The following LRRTM4 variants were observed in gnomAD, a reference collection of about 807,000 sequenced individuals.
LRRTM4 encodes the protein leucine rich repeat transmembrane neuronal 4, also known as leucine-rich repeat transmembrane neuronal protein 4.
In LRRTM4, 25 loss-of-function variants were observed where a neutral mutation model predicts 47.6. The ratio of observed to expected loss-of-function variants is 0.53; its 90% confidence interval spans 0.38 to 0.73. The LOEUF is 0.73. Ranked by LOEUF, LRRTM4 falls within the 30% of genes least tolerant of loss-of-function variation. The pLI is 0.00. For synonymous variants in LRRTM4, 311 were observed against 269.5 expected (o/e 1.15, Z -1.51); for missense variants, 638 against 713.4 (o/e 0.89, Z 1.20).
chr2:77,461,842 AGG>A (rs1235649653), intron 3 of LRRTM4, among the ~76,000 whole-genome samples: 2 of 152,074 alleles, frequency 1.3e-5, no homozygotes, highest in Non-Finnish European at 2.9e-5. Context: ...TTGTCTCAAA[AGG>A]CTGACTGAAC....
chr2:77,184,473 T>C (rs892633450), intron 3 of LRRTM4, among the ~76,000 whole-genome samples: 9 of 152,104 alleles, frequency 5.9e-5, no homozygotes, highest in African/African-American at 2.2e-4. Context: ...AATGAGAATA[T>C]CATTGAGTAC....
chr2:77,090,434 TAAATA>T (rs1410995630), intron 3 of LRRTM4, among the ~76,000 whole-genome samples: 3 of 152,076 alleles, frequency 2.0e-5, no homozygotes, highest in Non-Finnish European at 4.4e-5. Flanking sequence ...CTCCCGACAT[TAAATA>T]AAACTCCAAA....
intron 3 of LRRTM4, among the ~76,000 whole-genome samples, chr2:77,339,622 T>C (rs1671294983): frequency 6.6e-6 from 1 of 152,058 alleles, no homozygotes. Flanking sequence ...TACAGCTAAT[T>C]ACTATAATTT....
intron 3 of LRRTM4, among the ~76,000 whole-genome samples, chr2:77,148,338 C>T (rs957884740): frequency 3.9e-5 from 6 of 152,242 alleles, no homozygotes; most frequent in African/African-American, 1.4e-4. Flanking sequence ...AAAATGAGAA[C>T]TGGTATGAGA....
intron 3 of LRRTM4, among the ~76,000 whole-genome samples, chr2:77,326,057 T>C (rs1670763052): frequency 6.6e-6 from 1 of 152,160 alleles, no homozygotes; most frequent in Non-Finnish European, 1.5e-5. Context: ...AGAAATGCGC[T>C]CCCTTTATCT....
At chr2:77,318,107 C>A (rs565296301) in intron 3 of LRRTM4, among the ~76,000 whole-genome samples, 4 of 149,966 alleles carry the variant, frequency 2.7e-5, no homozygotes, top group Non-Finnish European at 3.0e-5. Flanking sequence ...CCCAGGTTCA[C>A]GCCATTCTCC....
At chr2:77,487,864 C>T (rs1025915768) in intron 3 of LRRTM4, among the ~76,000 whole-genome samples, 1 of 152,172 alleles carries the variant, frequency 6.6e-6, no homozygotes, top group Non-Finnish European at 1.5e-5. Flanking sequence ...TTTCCTAAAA[C>T]CTGCCTGCAA....
chr2:77,334,386 C>T (rs1671084719), intron 3 of LRRTM4, among the ~76,000 whole-genome samples: 1 of 152,116 alleles, frequency 6.6e-6, no homozygotes, highest in African/African-American at 2.4e-5. Flanking sequence ...CCCACAATTG[C>T]CACATTTCAT....
chr2:76,953,263 C>T (rs1039643155), intron 3 of LRRTM4, among the ~76,000 whole-genome samples: 3 of 151,700 alleles, frequency 2.0e-5, no homozygotes, highest in African/African-American at 7.3e-5. Context: ...TATTCCAGAC[C>T]TTTTCCCCCA....
chr2:77,000,770 T>C (rs1677391618), intron 3 of LRRTM4, among the ~76,000 whole-genome samples: 1 of 152,038 alleles, frequency 6.6e-6, no homozygotes, highest in Admixed American at 6.6e-5. Context: ...ATAACTATTA[T>C]TTAGATTCTG....
chr2:77,228,650 CT>C (rs1453243299), intron 3 of LRRTM4, among the ~76,000 whole-genome samples: 1 of 152,210 alleles, frequency 6.6e-6, no homozygotes, highest in Non-Finnish European at 1.5e-5. Context: ...GCTGGTGCTA[CT>C]TCCAACCATT....
chr2:76,887,020 T>TA (rs1673099306), intron 3 of LRRTM4, among the ~76,000 whole-genome samples: 1 of 151,844 alleles, frequency 6.6e-6, no homozygotes, highest in Non-Finnish European at 1.5e-5. Context: ...GAATAAAAAT[T>TA]AAAAAATATG....
intron 3 of LRRTM4, among the ~76,000 whole-genome samples, chr2:77,272,001 C>A (rs1452165901): frequency 6.6e-6 from 1 of 151,820 alleles, no homozygotes. Context: ...CCCAAAATGT[C>A]CTATCCCTTT....
intron 3 of LRRTM4, among the ~76,000 whole-genome samples, chr2:77,055,101 C>T (rs148823067): frequency 6.6e-6 from 1 of 152,110 alleles, no homozygotes; most frequent in Non-Finnish European, 1.5e-5. Flanking sequence ...ATACTGACTC[C>T]GCTACTTAGA....
chr2:76,964,767 G>T (rs1158194686), intron 3 of LRRTM4, among the ~76,000 whole-genome samples: 1 of 149,502 alleles, frequency 6.7e-6, no homozygotes, highest in Non-Finnish European at 1.5e-5. Context: ...TGTGAAAATG[G>T]GAAAACAGAG....
At position 76,954,575 on chromosome 2, in the gene LRRTM4, C is replaced by T. The variant is rs536926221; in HGVS notation, c.1552-205659G>A. Reference sequence around the variant, plus strand: ...AAGTATACCATCAAATGAACAAATACGGGAGTTCCAGACGAAGAAGAAGAG... The same window carrying T: ...AAGTATACCATCAAATGAACAAATATGGGAGTTCCAGACGAAGAAGAAGAG... On this transcript the variant is annotated intron_variant, in intron 3 of 3. Coordinates refer to ENST00000409884, the MANE Select transcript of LRRTM4 (RefSeq NM_001134745.3). Among the ~76,000 whole-genome samples the T allele has an allele frequency of 7.3e-5, 11 of 151,432 alleles. No homozygotes were observed. The East Asian group carries it at 1.8e-3, about 24-fold the overall frequency.
intron 3 of LRRTM4, among the ~76,000 whole-genome samples, chr2:77,008,094 C>T (rs1407569169): frequency 6.6e-6 from 1 of 152,080 alleles, no homozygotes; most frequent in Non-Finnish European, 1.5e-5. Flanking sequence ...TAACCAATCG[C>T]TTATGTTTGG....
chr2:77,334,931 T>C (rs2104260260), intron 3 of LRRTM4, among the ~76,000 whole-genome samples: 1 of 152,292 alleles, frequency 6.6e-6, no homozygotes, highest in South Asian at 2.1e-4. Flanking sequence ...CTAAAATGCT[T>C]GTATGCCTAG....
intron 3 of LRRTM4, among the ~76,000 whole-genome samples, chr2:77,154,023 G>C (rs975252302): frequency 4.6e-5 from 7 of 152,088 alleles, no homozygotes; most frequent in African/African-American, 1.7e-4. Flanking sequence ...TAGTATTTTT[G>C]AATTACAAAC....
Sources: allele counts gnomAD v4.1 joint callset (sites outside exome capture counted in the v4.1 genomes callset), GRCh38; gene constraint gnomAD v4.1.1; transcripts MANE v1.5; gene names NCBI Gene and HGNC (gene_info 2026-07-23, HGNC 2026-07-21).